The following DSCAM variants were observed in gnomAD, a reference collection of about 807,000 sequenced individuals.
DSCAM encodes DS cell adhesion molecule.
In DSCAM, 47 loss-of-function variants were observed where a neutral mutation model predicts 217.7. The ratio of observed to expected loss-of-function variants is 0.22; its 90% CI spans 0.17 to 0.28. DSCAM has a LOEUF of 0.28. Among genes scored for constraint, DSCAM ranks in the 10% least tolerant of loss-of-function variants. The pLI is 1.00. For synonymous variants in DSCAM, 1,056 were observed against 1,015.3 expected (o/e 1.04, Z -0.76); for missense variants, 2,080 against 2,618.3 (o/e 0.79, Z 4.49).
chr21:40,386,395 G>A (rs2075085212), intron 3 of DSCAM, among the ~76,000 whole-genome samples: 1 of 152,238 alleles, frequency 6.6e-6, no homozygotes, highest in African/African-American at 2.4e-5. Flanking sequence ...TTGTGAATGT[G>A]AATGAACGCC....
chr21:40,496,574 G>C (rs1330110510), intron 3 of DSCAM, among the ~76,000 whole-genome samples: 1 of 152,008 alleles, frequency 6.6e-6, no homozygotes, highest in Non-Finnish European at 1.5e-5. Flanking sequence ...CAGGGGAAAG[G>C]CTCCATAATA....
intron 1 of DSCAM, among the ~76,000 whole-genome samples, chr21:40,729,531 G>A (rs1020522809): frequency 2.0e-5 from 3 of 152,106 alleles, no homozygotes; most frequent in African/African-American, 4.8e-5. Flanking sequence ...AAACTGAATC[G>A]TGTTCCTTTG....
intron 10 of DSCAM, among the ~76,000 whole-genome samples, chr21:40,291,591 C>T (rs73904765): frequency 0.036 from 5,463 of 152,294 alleles, 337 homozygotes; most frequent in African/African-American, 0.12. Context: ...CTCCCGGCCT[C>T]GCCCCCTACC....
chr21:40,173,238 G>C (rs938584726), intron 15 of DSCAM, among the ~76,000 whole-genome samples: 1 of 152,196 alleles, frequency 6.6e-6, no homozygotes, highest in African/African-American at 2.4e-5. Flanking sequence ...GGTAAGGGAG[G>C]CAGGGGACCC....
intron 32 of DSCAM, among the ~76,000 whole-genome samples, chr21:40,031,175 G>A (rs2088516206): frequency 2.0e-5 from 3 of 152,104 alleles, no homozygotes; most frequent in Non-Finnish European, 1.5e-5. Flanking sequence ...CGAAATCCTG[G>A]GCTGTGCCAG....
intron 11 of DSCAM, among the ~76,000 whole-genome samples, chr21:40,204,068 T>C (rs909950638): frequency 6.6e-6 from 1 of 152,246 alleles, no homozygotes; most frequent in African/African-American, 2.4e-5. Flanking sequence ...GTGTTTTAAG[T>C]GCTAACTTTT....
intron 3 of DSCAM, among the ~76,000 whole-genome samples, chr21:40,621,796 T>C (rs2146300918): frequency 6.6e-6 from 1 of 151,030 alleles, no homozygotes; most frequent in East Asian, 2.0e-4. Flanking sequence ...CTGTTAAGAA[T>C]TGCTGTTTTT....
rs191138762 is a variant in DSCAM, at chr21:40,059,802, G to A, written c.4919+3067C>T. Among the ~76,000 whole-genome samples the A allele has an allele frequency of 3.0e-4, 46 of 152,274 alleles. No individual in the cohort carries two copies. In the East Asian group the frequency reaches 6.0e-3, roughly 20 times the overall value. On this transcript the variant is annotated intron_variant, in intron 28 of 32. Coordinates refer to ENST00000400454, the MANE Select transcript of DSCAM (RefSeq NM_001389.5). ...GGCCTAGAGCACAGACTTGTGGTTC[G>A]TATTCTCACTGTACCAGGCTGCCAG...
At chr21:40,743,982 A>C (rs1043371188) in intron 1 of DSCAM, among the ~76,000 whole-genome samples, 2 of 152,218 alleles carry the variant, frequency 1.3e-5, no homozygotes, top group Non-Finnish European at 2.9e-5. Flanking sequence ...AATTCACCAG[A>C]ACTTGGGGAG....
intron 20 of DSCAM, among the ~76,000 whole-genome samples, chr21:40,104,557 G>A (rs2089794276): frequency 6.6e-6 from 1 of 152,168 alleles, no homozygotes; most frequent in African/African-American, 2.4e-5. Context: ...AAGAGGGTGG[G>A]ATGAATAGGA....
chr21:40,700,538 C>T (rs1032212320), intron 2 of DSCAM, among the ~76,000 whole-genome samples: 1 of 151,888 alleles, frequency 6.6e-6, no homozygotes, highest in African/African-American at 2.4e-5. Flanking sequence ...TGTATTATTC[C>T]TTTTATATGT....
intron 3 of DSCAM, among the ~76,000 whole-genome samples, chr21:40,605,886 C>T (rs2089230949): frequency 1.3e-5 from 2 of 148,810 alleles, no homozygotes; most frequent in East Asian, 2.0e-4. Context: ...CTGCAACCTC[C>T]ACCTCCCAGG....
At chr21:40,702,691 T>A (rs2090670273) in intron 2 of DSCAM, among the ~76,000 whole-genome samples, 1 of 152,156 alleles carries the variant, frequency 6.6e-6, no homozygotes, top group African/African-American at 2.4e-5. Context: ...CCGTGTTTCC[T>A]TTTTCTTATC....
intron 9 of DSCAM, among the ~76,000 whole-genome samples, chr21:40,299,348 G>C (rs2837560): frequency 1.3e-5 from 2 of 151,836 alleles, no homozygotes; most frequent in African/African-American, 2.4e-5. Context: ...ATTTATTATC[G>C]TGTACCAGTG....
intron 18 of DSCAM, among the ~76,000 whole-genome samples, chr21:40,137,793 G>C (rs1355040347): frequency 6.6e-6 from 1 of 152,136 alleles, no homozygotes; most frequent in Non-Finnish European, 1.5e-5. Flanking sequence ...CTCATCCTCA[G>C]AGGGTTTTAA....
chr21:40,809,972 T>G (rs1289670485), intron 1 of DSCAM, among the ~76,000 whole-genome samples: 1 of 152,166 alleles, frequency 6.6e-6, no homozygotes, highest in Non-Finnish European at 1.5e-5. Context: ...ATTGCACCAT[T>G]GCCTCCTGAC....
chr21:40,276,170 A>G lies in DSCAM; in HGVS notation c.2283T>C (p.Ser761=), dbSNP rs776423324. ...TGCTGACCTTGCAGAGGTAGTAGCC[A>G]CTGTCTTCCTCCACGACATGCTTGA... ...LLIKHVVEED[S]GYYLCKVSND... The change falls in exon 11 of 33, where the codon AGT becomes AGC. Residue 761 remains serine (S), a synonymous_variant. Transcript: ENST00000400454. The G allele has an allele frequency of 6.2e-7, 1 of 1,613,266 alleles. No individual in the cohort carries two copies. The highest frequency in any genetic ancestry group is 1.1e-5 in the South Asian group (1 of 90,970).
At position 40,339,372 on chromosome 21, in the gene DSCAM, C is replaced by T; in HGVS notation, c.1254G>A (p.Val418=). 1.2e-6 allele frequency: 2 copies of T among 1,612,398 alleles called. No individual in the cohort carries two copies. Among genetic ancestry groups the T allele is most frequent in the Non-Finnish European group, 1.7e-6 (2 of 1,179,132 alleles). ...KIISAFSEKV[V]SPAEPVSLMC... ...TAAGGGAAACCGGCTCTGCTGGACT[C>T]ACCACCTTTTCACTAAAGGCAGAAA... is the stretch of plus-strand genomic sequence containing the variant. Residue 418 remains valine (V), a synonymous_variant, in exon 7 of 33, where the codon GTG becomes GTA. Coordinates refer to ENST00000400454, the MANE Select transcript of DSCAM (RefSeq NM_001389.5).
intron 3 of DSCAM, among the ~76,000 whole-genome samples, chr21:40,484,686 C>T (rs966150035): frequency 1.3e-5 from 2 of 152,082 alleles, no homozygotes; most frequent in Admixed American, 1.3e-4. Context: ...GTTCTTTCTC[C>T]AGCTTGCATG....
Sources: gnomAD v4.1 joint callset for allele counts (sites outside exome capture counted in the v4.1 genomes callset) on GRCh38, gnomAD v4.1.1 for gene constraint, MANE v1.5 for transcripts, NCBI Gene and HGNC (gene_info 2026-07-23, HGNC 2026-07-21) for gene names.